Variants in DNAAF11 observed in about 807,000 individuals in gnomAD.
DNAAF11 encodes the protein leucine rich repeat containing 6.
In DNAAF11, 45 loss-of-function variants were observed where a neutral mutation model predicts 60.8. The ratio of observed to expected loss-of-function variants is 0.74; its 90% CI spans 0.58 to 0.95. The LOEUF is 0.95. DNAAF11 is among the 40% of genes least tolerant of loss of function. DNAAF11 has a pLI of 0.00. For synonymous variants in DNAAF11, 191 were observed against 183.5 expected (o/e 1.04, Z -0.33); for missense variants, 546 against 546.2 (o/e 1.00, Z 0.00).
intron 11 of DNAAF11, among the ~76,000 whole-genome samples, chr8:132,582,354 C>T (rs1034222362): frequency 3.3e-5 from 5 of 152,220 alleles, no homozygotes; most frequent in Admixed American, 1.3e-4. Flanking sequence ...CGTGCTAAGA[C>T]ATCTTGAATC....
At chr8:132,633,726 A>G (rs1412275859) in intron 4 of DNAAF11, among the ~76,000 whole-genome samples, 1 of 152,144 alleles carries the variant, frequency 6.6e-6, no homozygotes, top group Non-Finnish European at 1.5e-5. Flanking sequence ...AGGACCACAG[A>G]GGTCCTTATA....
chr8:132,575,679 C>T (rs955983079), intron 11 of DNAAF11, among the ~76,000 whole-genome samples: 14 of 152,044 alleles, frequency 9.2e-5, no homozygotes, highest in African/African-American at 1.2e-4. Flanking sequence ...GCACTGGGCG[C>T]GGGGTGGGGC....
intron 3 of DNAAF11, among the ~76,000 whole-genome samples, chr8:132,641,675 T>G (rs547256803): frequency 6.6e-6 from 1 of 152,142 alleles, no homozygotes; most frequent in East Asian, 1.9e-4. Flanking sequence ...TTAAAGATAA[T>G]TGAGCAACTG....
upstream of DNAAF11, among the ~76,000 whole-genome samples, chr8:132,678,670 C>T (rs1427095671): frequency 1.3e-5 from 2 of 151,894 alleles, no homozygotes; most frequent in Non-Finnish European, 2.9e-5. Context: ...CAGGTGTGAG[C>T]TACCGTGACT....
chr8:132,646,720 A>C (rs1822429555), intron 3 of DNAAF11, among the ~76,000 whole-genome samples: 1 of 152,226 alleles, frequency 6.6e-6, no homozygotes, highest in Non-Finnish European at 1.5e-5. Context: ...CAGACTTTAA[A>C]CCAACAAAGA....
the DNAAF11 span, among the ~76,000 whole-genome samples, chr8:132,698,946 A>ATTTTGTGTGTGTGTG: frequency 3.7e-3 from 224 of 60,476 alleles, 2 homozygotes; most frequent in African/African-American, 0.047. Context: ...ACATATATAT[A>ATTTTGTGTGTGTGTG]TATATATATA....
chr8:132,655,444 G>A (rs562753689), intron 3 of DNAAF11, among the ~76,000 whole-genome samples: 1 of 152,122 alleles, frequency 6.6e-6, no homozygotes, highest in Admixed American at 6.5e-5. Flanking sequence ...GACACCTATA[G>A]GGAAAACAAA....
In DNAAF11 at chr8:132,625,195, G is replaced by T. The variant is rs1820127212; in HGVS notation, c.836+77C>A. On this transcript the variant is annotated intron_variant, in intron 6 of 11. Transcript: ENST00000620350. ...TGCTAAAGGTTTAACACAAATAATG[G>T]GTCAAAAAATGGGCAATCATAAAAA... is the stretch of plus-strand genomic sequence containing the variant. 4.5e-6 allele frequency: 5 copies of T among 1,119,400 alleles called. No individual in the cohort carries two copies. The African/African-American group carries it at 4.7e-5, about 11-fold the overall frequency. 69.3% of individuals were successfully genotyped at this position (1,119,400 alleles called of 1,614,324 possible).
At chr8:132,597,810 T>C (rs1817178875) in intron 10 of DNAAF11, among the ~76,000 whole-genome samples, 2 of 152,310 alleles carry the variant, frequency 1.3e-5, no homozygotes, top group South Asian at 4.1e-4. Context: ...AGGATACATT[T>C]CATTGTATCT....
intron 10 of DNAAF11, among the ~76,000 whole-genome samples, chr8:132,593,328 C>CATATATATAT (rs1160460984): frequency 4.0e-3 from 272 of 67,462 alleles, no homozygotes; most frequent in African/African-American, 0.017. Context: ...AGAATATATA[C>CATATATATAT]ATACATATAT....
intron 1 of DNAAF11, among the ~76,000 whole-genome samples, chr8:132,665,755 C>T (rs1401375074): frequency 6.6e-6 from 1 of 152,042 alleles, no homozygotes; most frequent in Non-Finnish European, 1.5e-5. Flanking sequence ...GGGTATCTAC[C>T]CAAAGGAAAA....
upstream of DNAAF11, chr8:132,675,649 G>A (rs1586767361): frequency 4.4e-6 from 3 of 675,894 alleles, no homozygotes; most frequent in East Asian, 6.6e-5. Context: ...AACAAGCCGC[G>A]TTTCCTGAGC....
chr8:132,680,477 C>G (rs917122773), upstream of DNAAF11, among the ~76,000 whole-genome samples: 2 of 151,876 alleles, frequency 1.3e-5, no homozygotes, highest in Non-Finnish European at 2.9e-5. Context: ...CAATTTAGTT[C>G]TTTTTATTTT....
At chr8:132,594,548 C>T (rs959243147) in intron 10 of DNAAF11, among the ~76,000 whole-genome samples, 12 of 152,232 alleles carry the variant, frequency 7.9e-5, no homozygotes, top group African/African-American at 2.4e-4. Context: ...TTGTAATCAC[C>T]ATGTGTCAAG....
intron 11 of DNAAF11, among the ~76,000 whole-genome samples, chr8:132,581,327 T>C (rs912216851): frequency 2.0e-5 from 3 of 152,004 alleles, no homozygotes; most frequent in African/African-American, 7.2e-5. Flanking sequence ...AAATCTTCTG[T>C]TCATCAAATG....
At chr8:132,659,436 G>A (rs1409603298) in intron 2 of DNAAF11, among the ~76,000 whole-genome samples, 2 of 152,280 alleles carry the variant, frequency 1.3e-5, no homozygotes, top group East Asian at 3.9e-4. Flanking sequence ...CTTTCTCACA[G>A]TTCTGAAAAG....
chr8:132,582,995 G>A (rs944013752), intron 11 of DNAAF11, among the ~76,000 whole-genome samples: 2 of 152,108 alleles, frequency 1.3e-5, no homozygotes. Context: ...TGGTTCTGAC[G>A]GTCTCCAGGA....
upstream of DNAAF11, among the ~76,000 whole-genome samples, chr8:132,676,823 A>G (rs1825777945): frequency 6.6e-6 from 1 of 152,140 alleles, no homozygotes; most frequent in South Asian, 2.1e-4. Flanking sequence ...GGCCAAAGGA[A>G]CTGAACTGGA....
At chr8:132,610,410 C>T (rs1818546196) in intron 9 of DNAAF11, 149 bp from the exon 10 acceptor site, 2 of 591,674 alleles carry the variant, frequency 3.4e-6, no homozygotes, top group Non-Finnish European at 6.0e-6. Context: ...ATGAGCTATG[C>T]TTTCTATGCA....
Sources: allele counts gnomAD v4.1 joint callset (sites outside exome capture counted in the v4.1 genomes callset), GRCh38; gene constraint gnomAD v4.1.1; transcripts MANE v1.5; gene names NCBI Gene and HGNC (gene_info 2026-07-23, HGNC 2026-07-21).